Variants in STX6 observed in about 807,000 individuals in gnomAD.
STX6 encodes the protein syntaxin-6.
In STX6, 23 loss-of-function variants were observed where a neutral mutation model predicts 38.0. The ratio of observed to expected loss-of-function variants is 0.60; its 90% CI spans 0.43 to 0.86. The LOEUF is 0.86. Ranked by LOEUF, STX6 falls within the 40% of genes least tolerant of loss-of-function variation. The probability of loss-of-function intolerance (pLI) is 0.00; values close to 1 mark genes in which losing one functional copy is unlikely to be tolerated. For missense variants in STX6, 274 were observed against 312.9 expected (o/e 0.88, Z 0.94); for synonymous variants, 123 against 107.5 (o/e 1.14, Z -0.89).
intron 6 of STX6, among the ~76,000 whole-genome samples, chr1:180,985,495 T>C (rs1409102967): frequency 2.6e-5 from 4 of 152,246 alleles, no homozygotes; most frequent in African/African-American, 9.6e-5. Context: ...ACGTGCTTTA[T>C]TATAAACCCA....
chr1:180,994,193 A>G (rs1313285658), intron 3 of STX6, among the ~76,000 whole-genome samples: 11 of 152,368 alleles, frequency 7.2e-5, no homozygotes, highest in Non-Finnish European at 1.5e-4. Flanking sequence ...TGAATACATG[A>G]CTGCAACAAC....
chr1:180,979,830 AAAG>A (rs1655350276), intron 7 of STX6, among the ~76,000 whole-genome samples: 1 of 149,008 alleles, frequency 6.7e-6, no homozygotes, highest in African/African-American at 2.5e-5. Flanking sequence ...TGTATTATAC[AAAG>A]AATTTTTAAA....
intron 1 of STX6, among the ~76,000 whole-genome samples, chr1:181,021,533 T>C (rs563234613): frequency 6.6e-6 from 1 of 152,170 alleles, no homozygotes; most frequent in Non-Finnish European, 1.5e-5. Flanking sequence ...ACTACAGAAA[T>C]AGGAAGCTAG....
chr1:181,004,696 G>A (rs1656176749), intron 2 of STX6, among the ~76,000 whole-genome samples: 1 of 152,120 alleles, frequency 6.6e-6, no homozygotes, highest in East Asian at 1.9e-4. Context: ...ATAAACCTAA[G>A]GAAACTGTTT....
intron 1 of STX6, among the ~76,000 whole-genome samples, chr1:181,011,921 A>C (rs1656413503): frequency 6.6e-6 from 1 of 152,248 alleles, no homozygotes; most frequent in Non-Finnish European, 1.5e-5. Context: ...CAGGCAACAG[A>C]GATCCATTTT....
At chr1:180,984,088 A>AAC (rs1655497558) in intron 7 of STX6, among the ~76,000 whole-genome samples, 3 of 101,374 alleles carry the variant, frequency 3.0e-5, no homozygotes, top group Non-Finnish European at 2.4e-5. Context: ...AAAAAAAAAA[A>AAC]AACACAACGA....
intron 1 of STX6, among the ~76,000 whole-genome samples, chr1:181,013,274 CAGTTGTACCAACA>C (rs1656462515): frequency 6.6e-6 from 1 of 152,188 alleles, no homozygotes; most frequent in African/African-American, 2.4e-5. Flanking sequence ...ATTTGTCATT[CAGTTGTACCAACA>C]AATTGCGTAA....
chr1:180,997,118 C>T (rs185554596), intron 3 of STX6, among the ~76,000 whole-genome samples: 3 of 152,274 alleles, frequency 2.0e-5, no homozygotes, highest in South Asian at 2.1e-4. Context: ...AATAGCTGCA[C>T]TAAGTTTCTA....
chr1:181,014,553 G>A (rs1233378964), intron 1 of STX6, among the ~76,000 whole-genome samples: 1 of 152,138 alleles, frequency 6.6e-6, no homozygotes, highest in Non-Finnish European at 1.5e-5. Flanking sequence ...CATCAATACA[G>A]TAAAAGAGGC....
rs572738481 is a variant in STX6 at position 181,016,701 on chromosome 1, T to C, written c.35+5938A>G. 1.6e-4 allele frequency among the ~76,000 whole-genome samples: 24 copies of C among 152,222 alleles called. No homozygotes were observed. The South Asian group carries it at 1.9e-3, about 12-fold the overall frequency. On this transcript the variant is annotated intron_variant, in intron 1 of 7. Coordinates refer to ENST00000258301, the MANE Select transcript of STX6 (RefSeq NM_005819.6). ...AAGCTAGATATGCAGACAGAGAAGG[T>C]TAAAGAACACAACATAACATATACC...
At chr1:181,019,622 C>G (rs1337815462) in intron 1 of STX6, among the ~76,000 whole-genome samples, 1 of 152,142 alleles carries the variant, frequency 6.6e-6, no homozygotes, top group Non-Finnish European at 1.5e-5. Context: ...GAGGCTAGAT[C>G]AGTGAGGTCA....
chr1:181,008,536 T>C (rs186182318), intron 1 of STX6, among the ~76,000 whole-genome samples: 1 of 152,292 alleles, frequency 6.6e-6, no homozygotes, highest in Admixed American at 6.5e-5. Flanking sequence ...TTTGGATGAT[T>C]TTATAACATC....
chr1:180,987,629 A>T (rs1655625947), intron 6 of STX6: 1 of 152,190 alleles, frequency 6.6e-6, no homozygotes, highest in South Asian at 2.1e-4. Flanking sequence ...CTTTCAAAAG[A>T]TTTACAAAAT....
chr1:181,020,130 G>A (rs896736474), intron 1 of STX6, among the ~76,000 whole-genome samples: 6 of 151,976 alleles, frequency 3.9e-5, no homozygotes, highest in Non-Finnish European at 5.9e-5. Context: ...TGCAAGAATC[G>A]CTTGAACCTG....
In STX6 at chr1:181,022,521, T is replaced by C. The variant is rs552289818; in HGVS notation, c.35+118A>G. The C allele has an allele frequency of 2.9e-6, 3 of 1,041,372 alleles. No individual in the cohort carries two copies. In the South Asian group the frequency reaches 4.2e-5, roughly 15 times the overall value. The allele number at this position is 1,041,372 out of a possible 1,614,324, so 64.5% of individuals were successfully genotyped here. On this transcript the variant is annotated intron_variant, in intron 1 of 7. Coordinates refer to ENST00000258301, the MANE Select transcript of STX6 (RefSeq NM_005819.6). ...GCCCTCAAGACTAAGCCGTCTCCACTGTTCCCCCTCCCCAGCTCCAACTTG... is the reference window on the plus strand; with the variant it reads ...GCCCTCAAGACTAAGCCGTCTCCACCGTTCCCCCTCCCCAGCTCCAACTTG...
chr1:180,995,445 T>G (rs747230519), intron 3 of STX6, among the ~76,000 whole-genome samples: 1 of 152,236 alleles, frequency 6.6e-6, no homozygotes, highest in Non-Finnish European at 1.5e-5. Flanking sequence ...ATTCGTTTTC[T>G]GATTATCAAT....
chr1:181,011,363 G>A (rs556061210), intron 1 of STX6, among the ~76,000 whole-genome samples: 1 of 152,320 alleles, frequency 6.6e-6, no homozygotes, highest in Non-Finnish European at 1.5e-5. Flanking sequence ...CCTCCCAACT[G>A]TTCTTCCAAT....
intron 2 of STX6, among the ~76,000 whole-genome samples, chr1:181,004,352 G>A (rs1007647358): frequency 4.6e-5 from 7 of 152,222 alleles, no homozygotes; most frequent in African/African-American, 1.7e-4. Context: ...GATAGCCTCA[G>A]GACGAGGGGC....
At position 180,984,063 on chromosome 1, in the gene STX6, CAAAAAAAAAAAAA is replaced by C. The variant is rs10625558; in HGVS notation, c.691+601_691+613del. Among the ~76,000 whole-genome samples the C allele has an allele frequency of 8.4e-4, 6 of 7,166 alleles. 1 individual carries two copies. The highest frequency in any genetic ancestry group is 8.1e-3 in the Admixed American group (3 of 372). 4.7% of individuals were successfully genotyped at this position (7,166 alleles called of 152,430 possible). A position where few individuals can be genotyped will look rare whatever the true frequency, so the allele number is the denominator to read the frequency against. On this transcript the variant is annotated intron_variant, in intron 7 of 7. Transcript: ENST00000258301. ...TGGGCAACAGAGTGAGGCTCCATCT[CAAAAAAAAAAAAA>C]AAAAAAAAAAAAAACACAACGAAAG...
Sources: gnomAD v4.1 joint callset for allele counts (sites outside exome capture counted in the v4.1 genomes callset) on GRCh38, gnomAD v4.1.1 for gene constraint, MANE v1.5 for transcripts, NCBI Gene and HGNC (gene_info 2026-07-23, HGNC 2026-07-21) for gene names.